GSE1: variants seen among roughly 807,000 people sequenced by gnomAD.
GSE1 encodes Gse1 coiled-coil protein.
Under a neutral mutation model 112.6 loss-of-function variants are expected in GSE1, and 32 were observed. The observed-to-expected ratio is 0.28, with a 90% CI of 0.21 to 0.38. The LOEUF (loss-of-function observed/expected upper bound fraction) is 0.38. Among genes scored for constraint, GSE1 ranks in the 10% least tolerant of loss-of-function variants. GSE1 has a pLI of 1.00. For synonymous variants in GSE1, 1,115 were observed against 735.6 expected, an observed-to-expected ratio of 1.52 and a Z score of -8.35; for missense variants, 2,348 against 1,699.2, an observed-to-expected ratio of 1.38 and a Z score of -6.71.
At chr16:85,630,169 C>A (rs909095658) in intron 1 of GSE1, among the ~76,000 whole-genome samples, 3 of 152,150 alleles carry the variant, frequency 2.0e-5, no homozygotes, top group Non-Finnish European at 4.4e-5. Context: ...CGGCAGCTGA[C>A]CCCCCTCCAC....
chr16:85,209,332 C>T (rs972005543), intron 1 of GSE1, among the ~76,000 whole-genome samples: 1 of 152,192 alleles, frequency 6.6e-6, no homozygotes, highest in Admixed American at 6.5e-5. Context: ...GCAACATCCT[C>T]CGTCCTTGTT....
chr16:85,601,887 G>T (rs186891115), intron 1 of GSE1, among the ~76,000 whole-genome samples: 1 of 152,216 alleles, frequency 6.6e-6, no homozygotes, highest in African/African-American at 2.4e-5. Context: ...TGTCGAGCCC[G>T]CGAGTGATAA....
intron 3 of GSE1, among the ~76,000 whole-genome samples, chr16:85,652,505 C>T (rs557890541): frequency 2.7e-4 from 41 of 152,230 alleles, no homozygotes; most frequent in African/African-American, 9.9e-4. Flanking sequence ...GGGCTCAGCC[C>T]GCGGGAAGGG....
Position 85,673,117 on chromosome 16 carries a change from A to G in GSE1, c.*578A>G, listed in dbSNP as rs926240611. On this transcript the variant is annotated 3_prime_UTR_variant, in exon 16 of 16. Transcript: ENST00000253458. ...TCCTAGGAGCACACAAAGCAACCCAAAGGCTTTTCCCTGGAAAAGCTCTTT... is the reference window on the plus strand; with the variant it reads ...TCCTAGGAGCACACAAAGCAACCCAGAGGCTTTTCCCTGGAAAAGCTCTTT... The G allele has an allele frequency of 6.6e-6, 1 of 152,354 alleles. No individual in the cohort carries two copies. The highest frequency in any genetic ancestry group is 1.5e-5 in the Non-Finnish European group (1 of 68,054). 9.4% of individuals were successfully genotyped at this position (152,354 alleles called of 1,614,324 possible). A position where few individuals can be genotyped will look rare whatever the true frequency, so the allele number is the denominator to read the frequency against.
intron 1 of GSE1, among the ~76,000 whole-genome samples, chr16:85,289,388 C>G (rs561586138): frequency 1.3e-5 from 2 of 152,328 alleles, no homozygotes; most frequent in Non-Finnish European, 2.9e-5. Context: ...CTCAGCTCCC[C>G]TGCCCCTGAC....
intron 1 of GSE1, among the ~76,000 whole-genome samples, chr16:85,246,447 A>ACCC (rs1450951402): frequency 6.3e-4 from 42 of 66,926 alleles, no homozygotes; most frequent in African/African-American, 8.7e-4. Context: ...ACACACACAC[A>ACCC]CACACACACA....
chr16:85,554,400 CG>C (rs2045092857), upstream of GSE1, among the ~76,000 whole-genome samples: 1 of 152,120 alleles, frequency 6.6e-6, no homozygotes, highest in South Asian at 2.1e-4. Flanking sequence ...CCGGGGCTTT[CG>C]TTACTATGGT....
At chr16:85,191,775 G>A (rs959519219) in intron 1 of GSE1, among the ~76,000 whole-genome samples, 1 of 152,192 alleles carries the variant, frequency 6.6e-6, no homozygotes, top group African/African-American at 2.4e-5. Flanking sequence ...GAGAAGGGCC[G>A]CTTGTGCTGA....
chr16:85,471,540 A>G (rs1193200701), intron 2 of GSE1, among the ~76,000 whole-genome samples: 1 of 151,932 alleles, frequency 6.6e-6, no homozygotes, highest in East Asian at 1.9e-4. Context: ...AGCCTCCCAG[A>G]GTAGCTGGGA....
intron 1 of GSE1, among the ~76,000 whole-genome samples, chr16:85,346,657 G>C (rs2046747347): frequency 6.6e-6 from 1 of 151,794 alleles, no homozygotes; most frequent in East Asian, 1.9e-4. Context: ...ATAAGTGGTG[G>C]ATGGATGATG....
intron 1 of GSE1, among the ~76,000 whole-genome samples, chr16:85,299,408 C>A (rs1597330299): frequency 6.6e-6 from 1 of 152,202 alleles, no homozygotes; most frequent in Non-Finnish European, 1.5e-5. Flanking sequence ...CTCCAACCCC[C>A]CTGCCAGCCT....
At chr16:85,253,725 A>C (rs1309627752) in intron 1 of GSE1, among the ~76,000 whole-genome samples, 1 of 152,110 alleles carries the variant, frequency 6.6e-6, no homozygotes, top group African/African-American at 2.4e-5. Context: ...GGAGGGTGGC[A>C]AGAGTGCTCC....
chr16:85,398,320 T>TCC (rs2048014330), intron 2 of GSE1, among the ~76,000 whole-genome samples: 1 of 152,140 alleles, frequency 6.6e-6, no homozygotes, highest in African/African-American at 2.4e-5. Context: ...CACTGAGGCC[T>TCC]GAGGGGTCGC....
At chr16:85,619,928 CCT>C (rs1331793539) in intron 1 of GSE1, among the ~76,000 whole-genome samples, 1 of 152,142 alleles carries the variant, frequency 6.6e-6, no homozygotes, top group Non-Finnish European at 1.5e-5. Flanking sequence ...ACTCCAGCCT[CCT>C]CACCCAACTC....
Position 85,263,446 on chromosome 16 carries a change from C to T in GSE1, c.2283+91639C>T, listed in dbSNP as rs1463744578. 6.6e-5 allele frequency among the ~76,000 whole-genome samples: 10 copies of T among 152,262 alleles called. No individual in the cohort carries two copies. In the South Asian group the frequency reaches 1.5e-3, roughly 22 times the overall value. ...CCAGTTGGTATTTGCGCTGCTGGCC[C>T]GGTGGCTGCAGTTTGAGAATCCCTG... On this transcript the variant is annotated intron_variant, in intron 1 of 2. Transcript: ENST00000637419.
intron 2 of GSE1, among the ~76,000 whole-genome samples, chr16:85,534,538 C>T (rs1275628502): frequency 6.6e-6 from 1 of 152,230 alleles, no homozygotes; most frequent in Non-Finnish European, 1.5e-5. Context: ...TCCCTCCAGC[C>T]TGTGGCAACC....
chr16:85,671,161 C>A, intron 15 of GSE1, 63 bp downstream of exon 15: 1 of 935,574 alleles, frequency 1.1e-6, no homozygotes, highest in Non-Finnish European at 1.7e-6. Flanking sequence ...TTCAGAAACA[C>A]CCATGCAGAT....
intron 1 of GSE1, among the ~76,000 whole-genome samples, chr16:85,616,947 C>G (rs892967974): frequency 6.6e-6 from 1 of 152,190 alleles, no homozygotes; most frequent in African/African-American, 2.4e-5. Flanking sequence ...GCATGCCTGC[C>G]AAACGCACAC....
chr16:85,349,315 T>C (rs899347407), intron 1 of GSE1, among the ~76,000 whole-genome samples: 11 of 152,142 alleles, frequency 7.2e-5, no homozygotes, highest in Non-Finnish European at 8.8e-5. Context: ...CGTAAAATAC[T>C]GTTTTTGGCT....
Sources: gnomAD v4.1 joint callset for allele counts (sites outside exome capture counted in the v4.1 genomes callset) on GRCh38, gnomAD v4.1.1 for gene constraint, MANE v1.5 for transcripts, NCBI Gene and HGNC (gene_info 2026-07-23, HGNC 2026-07-21) for gene names.